The following POU2F1 variants were observed in gnomAD, a reference collection of about 807,000 sequenced individuals.
POU2F1 encodes POU domain, class 2, transcription factor 1.
POU2F1 carries 16 observed loss-of-function variants against 84.9 expected under a neutral mutation model. The ratio of observed to expected loss-of-function variants is 0.19; its 90% CI spans 0.13 to 0.29. POU2F1 has a LOEUF of 0.29. Among genes scored for constraint, POU2F1 ranks in the 10% least tolerant of loss-of-function variants. POU2F1 has a pLI of 1.00. For missense variants in POU2F1, 738 were observed against 942.6 expected, an observed-to-expected ratio of 0.78 and a Z score of 2.84; for synonymous variants, 368 against 368.3, an observed-to-expected ratio of 1.00 and a Z score of 0.01.
chr1:167,412,145 G>T lies in POU2F1; in HGVS notation c.1742G>T (p.Gly581Val), dbSNP rs778830753. Residue 581 changes from glycine (G) to valine (V), a missense_variant, in exon 14 of 16, where the codon GGG becomes GTG. This residue lies in a region of POU2F1 where 319 missense variants were observed against 386.0 expected (regional missense o/e 0.83). Coordinates refer to ENST00000367866, the MANE Select transcript of POU2F1 (RefSeq NM_002697.4). The part of the protein sequence containing the change: ...TTSTPLSSPL[G>V]TSQVMVTASG... ...TCCACTCCTTTGTCCTCCCCTCTTG[G>T]GACCAGCCAGGTGATGGTGACAGCA... The T allele has an allele frequency of 1.2e-6, 2 of 1,614,158 alleles. No homozygotes were observed. Among genetic ancestry groups the T allele is most frequent in the South Asian group, 2.2e-5 (2 of 91,076 alleles).
chr1:167,357,353 CACGCCTCCCCCCCCA>C (rs1659011709), intron 2 of POU2F1: 20 of 24,754 alleles, frequency 8.1e-4, no homozygotes, highest in Middle Eastern at 0.019. Context: ...CCCCCTCCCC[CACGCCTCCCCCCCCA>C]CCCCCCCCCC....
intron 2 of POU2F1, among the ~76,000 whole-genome samples, chr1:167,343,939 C>G (rs567013334): frequency 6.6e-6 from 1 of 151,526 alleles, no homozygotes. Context: ...GGAAATGCTA[C>G]GGGGAGGAGA....
At chr1:167,402,099 T>C (rs528354114) in intron 13 of POU2F1, among the ~76,000 whole-genome samples, 1 of 152,246 alleles carries the variant, frequency 6.6e-6, no homozygotes, top group Non-Finnish European at 1.5e-5. Context: ...CCTAGCTCAG[T>C]GCATGACATA....
chr1:167,256,365 C>CTTT (rs35700112), intron 1 of POU2F1, among the ~76,000 whole-genome samples: 2 of 126,692 alleles, frequency 1.6e-5, no homozygotes, highest in African/African-American at 2.9e-5. Flanking sequence ...TAAATTTCTT[C>CTTT]TTTTTTTTTT....
At chr1:167,295,371 T>G (rs2102547831) in intron 1 of POU2F1, among the ~76,000 whole-genome samples, 1 of 152,282 alleles carries the variant, frequency 6.6e-6, no homozygotes, top group South Asian at 2.1e-4. Context: ...AAATAATGTC[T>G]TTTGCAGCAA....
chr1:167,336,656 G>A (rs1243587250), intron 2 of POU2F1, among the ~76,000 whole-genome samples: 2 of 152,028 alleles, frequency 1.3e-5, no homozygotes, highest in African/African-American at 2.4e-5. Context: ...AAAAGAAAAG[G>A]AAATTCATGA....
Position 167,401,571 on chromosome 1 carries a change from G to A in POU2F1, c.1555+15G>A, listed in dbSNP as rs766198224. On this transcript the variant is annotated intron_variant, in intron 13 of 15. Transcript: ENST00000367866. ...TTCAGTTACAGGTAAGCAGCTGCCA[G>A]GCCATGCACCTGCTGAGCACATGGG... 1 of 1,580,574 alleles carries A rather than the reference G, an allele frequency of 6.3e-7. No individual in the cohort carries two copies. The highest frequency in any genetic ancestry group is 2.3e-5 in the East Asian group (1 of 43,776).
At chr1:167,256,901 C>T (rs1034074182) in intron 1 of POU2F1, among the ~76,000 whole-genome samples, 1 of 152,104 alleles carries the variant, frequency 6.6e-6, no homozygotes, top group East Asian at 1.9e-4. Context: ...TGAGTTGCTT[C>T]AGGGAGAGAG....
At chr1:167,315,807 A>T (rs1388759309) in intron 1 of POU2F1, among the ~76,000 whole-genome samples, 1 of 118,514 alleles carries the variant, frequency 8.4e-6, no homozygotes, top group East Asian at 2.0e-4. Flanking sequence ...CCATCTCTTT[A>T]AAAAAAAAAA....
At chr1:167,250,183 G>A (rs1475905459) in intron 1 of POU2F1, among the ~76,000 whole-genome samples, 2 of 151,844 alleles carry the variant, frequency 1.3e-5, no homozygotes, top group Admixed American at 1.3e-4. Flanking sequence ...TTTCCTTCCG[G>A]AAAATAGAGA....
chr1:167,414,902 A>G lies in POU2F1; in HGVS notation c.1991-598A>G, dbSNP rs145359078. Among the ~76,000 whole-genome samples, 7 of 152,308 alleles carry G rather than the reference A, an allele frequency of 4.6e-5. No individual in the cohort carries two copies. The East Asian group carries it at 7.7e-4, about 17-fold the overall frequency. ...TCATAATATAAAGCAGTGGTCCCCA[A>G]CCTTTTTGGCACCAGGGACTGGTTT... On this transcript the variant is annotated intron_variant, in intron 15 of 15. Transcript: ENST00000367866.
At position 167,423,647 on chromosome 1, in the gene POU2F1, C is replaced by T. The variant is rs1195694599; in HGVS notation, c.*7837C>T. On this transcript the variant is annotated 3_prime_UTR_variant, in exon 16 of 16. Coordinates refer to ENST00000367866, the MANE Select transcript of POU2F1 (RefSeq NM_002697.4). ...CTGCACAGGGCTCCACCACCCAGGG[C>T]CACCTTCTGGTTTAAACCCAGGACA... is the stretch of plus-strand genomic sequence containing the variant. The T allele has an allele frequency of 6.6e-6, 1 of 152,156 alleles. No homozygotes were observed. The highest frequency in any genetic ancestry group is 1.5e-5 in the Non-Finnish European group (1 of 68,028). The allele number at this position is 152,156 out of a possible 1,614,324, so 9.4% of individuals were successfully genotyped here. A position where few individuals can be genotyped will look rare whatever the true frequency, so the allele number is the denominator to read the frequency against.
chr1:167,380,681 T>C (rs1647470970), intron 7 of POU2F1: 1 of 152,246 alleles, frequency 6.6e-6, no homozygotes. Context: ...AAAGATTTTA[T>C]CTTTTGGAAT....
chr1:167,388,516 A>G (rs1648152665), intron 8 of POU2F1, among the ~76,000 whole-genome samples: 1 of 152,244 alleles, frequency 6.6e-6, no homozygotes, highest in African/African-American at 2.4e-5. Context: ...TGTTAGTGAA[A>G]ACATAAAAAC....
chr1:167,239,812 G>A lies in POU2F1; in HGVS notation c.61+18854G>A, dbSNP rs138076900. ...TTGAAAAACACAAAAAATGTATGTC[G>A]TCAGGGTTATACTTTACACCGTACA... On this transcript the variant is annotated intron_variant, in intron 1 of 15. Coordinates refer to ENST00000367866, the MANE Select transcript of POU2F1 (RefSeq NM_002697.4). Among the ~76,000 whole-genome samples the A allele has an allele frequency of 7.2e-5, 11 of 152,152 alleles. No individual in the cohort carries two copies. In the South Asian group the frequency reaches 1.5e-3, roughly 20 times the overall value.
chr1:167,224,473 A>G (rs1648472858), intron 1 of POU2F1, among the ~76,000 whole-genome samples: 1 of 152,186 alleles, frequency 6.6e-6, no homozygotes, highest in African/African-American at 2.4e-5. Context: ...AAAATTCAGA[A>G]TTCTTTTTGG....
chr1:167,411,500 ATGT>A (rs1649964795), intron 13 of POU2F1, among the ~76,000 whole-genome samples: 1 of 151,892 alleles, frequency 6.6e-6, no homozygotes, highest in African/African-American at 2.4e-5. Flanking sequence ...TTTTTATACT[ATGT>A]TGTTGTTGAT....
chr1:167,295,241 C>T (rs761755794), intron 1 of POU2F1, among the ~76,000 whole-genome samples: 2 of 152,092 alleles, frequency 1.3e-5, no homozygotes, highest in Non-Finnish European at 2.9e-5. Context: ...ATGTTTATTG[C>T]AGCCCAATTC....
At chr1:167,248,549 A>G (rs974105993) in intron 1 of POU2F1, among the ~76,000 whole-genome samples, 3 of 152,196 alleles carry the variant, frequency 2.0e-5, no homozygotes, top group African/African-American at 7.2e-5. Context: ...CCTGTATGCT[A>G]TGGAAGTAAT....
Sources: allele counts gnomAD v4.1 joint callset (sites outside exome capture counted in the v4.1 genomes callset), GRCh38; gene constraint gnomAD v4.1.1; regional missense constraint gnomAD v4.1.1; transcripts MANE v1.5; gene names NCBI Gene and HGNC (gene_info 2026-07-23, HGNC 2026-07-21).